HLA-DRB1: variants seen among roughly 807,000 people sequenced by gnomAD.
HLA-DRB1 encodes the protein major histocompatibility complex, class II, DR beta 1 precursor.
Under a neutral mutation model 27.9 loss-of-function variants are expected in HLA-DRB1, and 10 were observed. That is an observed-to-expected ratio of 0.36 (90% CI 0.22 to 0.61). HLA-DRB1 has a LOEUF of 0.61. Ranked by LOEUF, HLA-DRB1 falls within the 20% of genes least tolerant of loss-of-function variation. The pLI, the probability that HLA-DRB1 is intolerant of heterozygous loss-of-function variation, is 0.73. For synonymous variants in HLA-DRB1, 57 were observed against 126.7 expected, an observed-to-expected ratio of 0.45 and a Z score of 3.69; for missense variants, 118 against 306.3, an observed-to-expected ratio of 0.39 and a Z score of 4.59.
At chr6:32,584,706 C>A (rs796252808) in intron 1 of HLA-DRB1, among the ~76,000 whole-genome samples, 1 of 16,834 alleles carries the variant, frequency 5.9e-5, no homozygotes, top group Non-Finnish European at 1.3e-4. Flanking sequence ...CCTGGGAGCC[C>A]CAAAGACACT....
chr6:32,584,490 G>T, intron 1 of HLA-DRB1, 112 bp from the exon 2 acceptor site: 1 of 672,912 alleles, frequency 1.5e-6, no homozygotes, highest in Non-Finnish European at 2.4e-6. Context: ...ACCTTAACCG[G>T]CCCCACCCGC....
chr6:32,589,593 C>T (rs34412168), intron 1 of HLA-DRB1, 50 bp downstream of exon 1: 794 of 548,776 alleles, frequency 1.4e-3, no homozygotes, highest in African/African-American at 3.1e-3. Context: ...TAACAAAACT[C>T]CCTATTTTCC....
intron 1 of HLA-DRB1, among the ~76,000 whole-genome samples, chr6:32,586,507 T>G (rs113608847): frequency 0.27 from 17,896 of 65,180 alleles, 5,257 homozygotes; most frequent in Admixed American, 0.39. Flanking sequence ...GTTCTCTTGG[T>G]TTTTCTCCAG....
intron 3 of HLA-DRB1, among the ~76,000 whole-genome samples, chr6:32,581,334 A>AAAAAAAAAGCAT (rs1775445279): frequency 1.3e-4 from 13 of 100,602 alleles, no homozygotes; most frequent in Non-Finnish European, 1.8e-4. Context: ...GAGGTTCAAA[A>AAAAAAAAAGCAT]GAGGGACAGT....
Position 32,584,387 on chromosome 6 carries a change from A to G in HLA-DRB1, c.101-9T>C, listed in dbSNP as rs28724104. 2,697 of 721,900 alleles carry G rather than the reference A, an allele frequency of 3.7e-3. 170 individuals carry two copies. Among genetic ancestry groups the G allele is most frequent in the Middle Eastern group, 0.028 (93 of 3,316 alleles). 44.7% of individuals were successfully genotyped at this position (721,900 alleles called of 1,614,324 possible). ...CTGCCACAGGAAACGTGCTGTGGGG[A>G]CACGAACCATCCGGTCACAGGGCGG... On this transcript the variant is annotated splice_polypyrimidine_tract_variant and intron_variant, in intron 1 of 5. Transcript: ENST00000360004.
Position 32,588,743 on chromosome 6 carries a change from T to C in HLA-DRB1, c.100+900A>G, listed in dbSNP as rs1467461439. ...TCTCGGTAACCCCACACAGAGTATATAGTTTGAACATTATTAAATTTCTGA... is the reference window on the plus strand; with the variant it reads ...TCTCGGTAACCCCACACAGAGTATACAGTTTGAACATTATTAAATTTCTGA... On this transcript the variant is annotated intron_variant, in intron 1 of 5. Coordinates refer to ENST00000360004, the Ensembl canonical transcript of HLA-DRB1. Among the ~76,000 whole-genome samples the C allele has an allele frequency of 6.5e-5, 5 of 76,580 alleles. 1 individual carries two copies. Among genetic ancestry groups the C allele is most frequent in the Non-Finnish European group, 1.1e-4 (4 of 36,890 alleles). 50.2% of individuals were successfully genotyped at this position (76,580 alleles called of 152,430 possible). A position where few individuals can be genotyped will look rare whatever the true frequency, so the allele number is the denominator to read the frequency against.
chr6:32,589,283 G>A (rs9270258), intron 1 of HLA-DRB1, among the ~76,000 whole-genome samples: 100,716 of 137,560 alleles, frequency 0.73, 37,763 homozygotes, highest in Middle Eastern at 0.85. Context: ...TTTTCAGTAA[G>A]AACCTCCTTT....
At position 32,581,834 on chromosome 6, in the gene HLA-DRB1, T is replaced by C. The variant is rs1071752; in HGVS notation, c.375A>G (p.Gln125=). The change falls in exon 3 of 6, where the codon CAA becomes CAG. Residue 125 remains glutamine, a synonymous_variant. Coordinates refer to ENST00000360004, the Ensembl canonical transcript of HLA-DRB1. ...TTGAAGGATATACAGTCACCTTAGGTTGGACTAGGAGAAAAACAACGTAGA... is the reference window on the plus strand; with the variant it reads ...TTGAAGGATATACAGTCACCTTAGGCTGGACTAGGAGAAAAACAACGTAGA... 0.088 allele frequency: 100,867 copies of C among 1,145,688 alleles called. 10,161 individuals carry two copies. The highest frequency in any genetic ancestry group is 0.087 in the Non-Finnish European group (68,516 of 790,598). The allele number at this position is 1,145,688 out of a possible 1,614,324, so 71.0% of individuals were successfully genotyped here.
At chr6:32,583,854 C>T (rs112275637) in intron 2 of HLA-DRB1, among the ~76,000 whole-genome samples, 802 of 62,540 alleles carry the variant, frequency 0.013, 13 homozygotes, top group East Asian at 0.047. Context: ...ACAGCCCCCT[C>T]CTGCCTCCCC....
intron 1 of HLA-DRB1, among the ~76,000 whole-genome samples, chr6:32,586,202 T>C (rs923884270): frequency 0.044 from 5,070 of 116,416 alleles, 73 homozygotes; most frequent in Admixed American, 0.071. Context: ...TCAGCTTCTT[T>C]AGCCTTTTCC....
rs28724226 is a variant in HLA-DRB1 at position 32,589,092 on chromosome 6, C to T, written c.100+551G>A. On this transcript the variant is annotated intron_variant, in intron 1 of 5. Coordinates refer to ENST00000360004, the Ensembl canonical transcript of HLA-DRB1. ...TAACTTCTGTCAGAGAACCTACATA[C>T]ACTACAGGGATACAGGCCTTATAAA... Among the ~76,000 whole-genome samples the T allele has an allele frequency of 5.8e-3, 516 of 89,160 alleles. 1 individual carries two copies. The highest frequency in any genetic ancestry group is 0.026 in the East Asian group (70 of 2,646). The allele number at this position is 89,160 out of a possible 152,430, so 58.5% of individuals were successfully genotyped here.
intron 1 of HLA-DRB1, among the ~76,000 whole-genome samples, chr6:32,589,175 C>T (rs117089946): frequency 8.8e-3 from 647 of 73,940 alleles, no homozygotes; most frequent in East Asian, 0.087. Flanking sequence ...GGTCCATCCT[C>T]ACATATGAGG....
chr6:32,582,800 A>T (rs1454369116), intron 2 of HLA-DRB1, among the ~76,000 whole-genome samples: 1 of 130,158 alleles, frequency 7.7e-6, no homozygotes, highest in East Asian at 2.3e-4. Flanking sequence ...AGTGTCTGGG[A>T]CTCGTTACTT....
chr6:32,581,150 T>G, intron 3 of HLA-DRB1, among the ~76,000 whole-genome samples: 1 of 79,914 alleles, frequency 1.3e-5, no homozygotes. Flanking sequence ...ACAAAGCTAA[T>G]AAAAAGCAGG....
chr6:32,589,544 C>T lies in HLA-DRB1; in HGVS notation c.100+99G>A, dbSNP rs17204659. On this transcript the variant is annotated intron_variant, in intron 1 of 5. Transcript: ENST00000360004. ...AAAGATGGGCAATCTCTGAAGAAAA[C>T]GTCACAATTTCTTAAGGGACATGGC... is the stretch of plus-strand genomic sequence containing the variant. 4.8e-3 allele frequency: 2,074 copies of T among 430,428 alleles called. 28 individuals carry two copies. Among genetic ancestry groups the T allele is most frequent in the South Asian group, 6.6e-3 (197 of 29,928 alleles). The allele number at this position is 430,428 out of a possible 1,614,324, so 26.7% of individuals were successfully genotyped here. A position where few individuals can be genotyped will look rare whatever the true frequency, so the allele number is the denominator to read the frequency against.
At chr6:32,580,984 T>TC (rs375899620) in intron 3 of HLA-DRB1, 128 bp from the exon 4 acceptor site, 1 of 615,864 alleles carries the variant, frequency 1.6e-6, no homozygotes, top group Non-Finnish European at 2.5e-6. Context: ...ACTAGCCATT[T>TC]CAGGAGAAAA....
At chr6:32,586,969 C>G (rs529869212) in intron 1 of HLA-DRB1, among the ~76,000 whole-genome samples, 509 of 79,350 alleles carry the variant, frequency 6.4e-3, no homozygotes, top group Non-Finnish European at 7.9e-3. Context: ...CTAATGCACT[C>G]CATGAAGCCA....
intron 1 of HLA-DRB1, among the ~76,000 whole-genome samples, chr6:32,589,430 A>AGCC (rs1415773421): frequency 1.3e-5 from 1 of 74,228 alleles, no homozygotes; most frequent in African/African-American, 5.8e-5. Context: ...AAAAGAAATG[A>AGCC]TTTGTGCAAA....
intron 1 of HLA-DRB1, among the ~76,000 whole-genome samples, chr6:32,585,797 A>G (rs1390832527): frequency 6.9e-6 from 1 of 145,236 alleles, no homozygotes; most frequent in Non-Finnish European, 1.5e-5. Context: ...TCTGATTTCC[A>G]GCACTAAATT....
Sources: allele counts gnomAD v4.1 joint callset (sites outside exome capture counted in the v4.1 genomes callset), GRCh38; gene constraint gnomAD v4.1.1; transcripts MANE v1.5; gene names NCBI Gene and HGNC (gene_info 2026-07-23, HGNC 2026-07-21).